Variants in PSMD14 observed in about 807,000 individuals in gnomAD.
PSMD14 encodes the protein proteasome 26S subunit, non-ATPase 14.
In PSMD14, 7 loss-of-function variants were observed where a neutral mutation model predicts 41.2. That is an observed-to-expected ratio of 0.17 (90% CI 0.10 to 0.32). The LOEUF (loss-of-function observed/expected upper bound fraction) is 0.32. PSMD14 is among the 10% of genes least tolerant of loss of function. PSMD14 has a pLI of 1.00. For missense variants in PSMD14, 139 were observed against 375.6 expected (o/e 0.37, Z 5.21); for synonymous variants, 114 against 122.3 (o/e 0.93, Z 0.45).
chr2:161,337,044 AAATT>A (rs1260495517), intron 3 of PSMD14, among the ~76,000 whole-genome samples: 1 of 152,224 alleles, frequency 6.6e-6, no homozygotes, highest in African/African-American at 2.4e-5. Flanking sequence ...ATTTAAAGAA[AAATT>A]AATCTTTTAA....
At chr2:161,391,714 C>T (rs1683714319) in intron 9 of PSMD14, among the ~76,000 whole-genome samples, 1 of 152,068 alleles carries the variant, frequency 6.6e-6, no homozygotes. Context: ...TCTACAGCCT[C>T]CCGAGTAGCT....
At chr2:161,364,122 C>T (rs562485940) in intron 3 of PSMD14, among the ~76,000 whole-genome samples, 26 of 152,244 alleles carry the variant, frequency 1.7e-4, no homozygotes, top group East Asian at 9.7e-4. Flanking sequence ...GGAGTCAGGA[C>T]GCTGTCCTCC....
intron 3 of PSMD14, among the ~76,000 whole-genome samples, chr2:161,342,048 A>G (rs1682971629): frequency 6.6e-6 from 1 of 151,982 alleles, no homozygotes; most frequent in African/African-American, 2.4e-5. Context: ...GGTGCAATAT[A>G]TGGGTTATGC....
intron 2 of PSMD14, 91 bp from the exon 3 acceptor site, chr2:161,318,731 A>G (rs1323616779): frequency 1.6e-5 from 15 of 937,178 alleles, no homozygotes; most frequent in Non-Finnish European, 2.0e-5. Flanking sequence ...TATTTTTGAC[A>G]TACTGAGTGA....
chr2:161,349,138 T>C (rs968826396), intron 3 of PSMD14, among the ~76,000 whole-genome samples: 1 of 152,226 alleles, frequency 6.6e-6, no homozygotes, highest in South Asian at 2.1e-4. Flanking sequence ...ATTTTGCTAT[T>C]GAAAGTAATG....
intron 7 of PSMD14, among the ~76,000 whole-genome samples, chr2:161,376,205 A>G (rs1683500773): frequency 6.6e-6 from 1 of 151,146 alleles, no homozygotes; most frequent in Admixed American, 6.6e-5. Context: ...TCCCATTTTT[A>G]TCTCCTCTTT....
chr2:161,337,907 C>G (rs1009420424), intron 3 of PSMD14, among the ~76,000 whole-genome samples: 3 of 152,086 alleles, frequency 2.0e-5, no homozygotes, highest in African/African-American at 7.2e-5. Context: ...TATGATTATA[C>G]TCTCTGACTA....
At chr2:161,402,397 G>C (rs185900544) in intron 10 of PSMD14, among the ~76,000 whole-genome samples, 1 of 152,216 alleles carries the variant, frequency 6.6e-6, no homozygotes, top group Admixed American at 6.5e-5. Flanking sequence ...CAGCACTTTG[G>C]GAGGCCACAG....
chr2:161,375,236 T>C (rs1683487381), intron 7 of PSMD14, among the ~76,000 whole-genome samples: 1 of 152,024 alleles, frequency 6.6e-6, no homozygotes, highest in Non-Finnish European at 1.5e-5. Context: ...TTATATACAT[T>C]TAGTGTTAGT....
chr2:161,390,707 G>T (rs930485146), intron 8 of PSMD14, among the ~76,000 whole-genome samples: 12 of 152,144 alleles, frequency 7.9e-5, no homozygotes, highest in African/African-American at 2.9e-4. Flanking sequence ...TGTGGGTAAA[G>T]AAACAGCTGT....
At chr2:161,378,051 A>G (rs1263297115) in intron 7 of PSMD14, among the ~76,000 whole-genome samples, 1 of 151,870 alleles carries the variant, frequency 6.6e-6, no homozygotes, top group African/African-American at 2.4e-5. Flanking sequence ...GACATTAGCC[A>G]TTGTTATTTG....
At chr2:161,328,890 CTAAATAACAT>C (rs542481925) in intron 3 of PSMD14, among the ~76,000 whole-genome samples, 58 of 152,128 alleles carry the variant, frequency 3.8e-4, no homozygotes, top group South Asian at 1.9e-3. Flanking sequence ...TGGAATAACA[CTAAATAACAT>C]TAAATAACAT....
chr2:161,315,819 A>G (rs1487207533), intron 1 of PSMD14, among the ~76,000 whole-genome samples: 4 of 150,486 alleles, frequency 2.7e-5, no homozygotes, highest in African/African-American at 9.8e-5. Flanking sequence ...ATTTAAAAAT[A>G]TAAGTAAATT....
At chr2:161,346,273 CTAGAGA>C (rs1683040799) in intron 3 of PSMD14, among the ~76,000 whole-genome samples, 1 of 152,080 alleles carries the variant, frequency 6.6e-6, no homozygotes, top group African/African-American at 2.4e-5. Flanking sequence ...TATTGACAGC[CTAGAGA>C]TAAAGTTTTG....
intron 3 of PSMD14, among the ~76,000 whole-genome samples, chr2:161,330,129 G>A (rs1657617073): frequency 6.6e-6 from 1 of 152,076 alleles, no homozygotes; most frequent in Admixed American, 6.6e-5. Flanking sequence ...GAATGGAAGG[G>A]GATTGGTGAT....
chr2:161,389,886 G>GTTTTTTTTTTTTTTTTTT (rs1683685363), intron 8 of PSMD14, among the ~76,000 whole-genome samples: 2 of 14,934 alleles, frequency 1.3e-4, no homozygotes, highest in Non-Finnish European at 3.1e-4. Flanking sequence ...TTTCTTTTTT[G>GTTTTTTTTTTTTTTTTTT]TTGTTTTTTT....
At chr2:161,329,189 C>A (rs116333687) in intron 3 of PSMD14, among the ~76,000 whole-genome samples, 1 of 152,110 alleles carries the variant, frequency 6.6e-6, no homozygotes, top group African/African-American at 2.4e-5. Context: ...AACTTGGACA[C>A]TCTGAAGATG....
At chr2:161,330,706 C>T (rs894589253) in intron 3 of PSMD14, among the ~76,000 whole-genome samples, 12 of 152,184 alleles carry the variant, frequency 7.9e-5, no homozygotes, top group African/African-American at 2.9e-4. Context: ...CTCCACTGGG[C>T]AGCCTCTCAG....
rs868483072 is a variant in PSMD14, at chr2:161,328,088, A to C, written c.48+9215A>C. Among the ~76,000 whole-genome samples, 6 of 151,992 alleles carry C rather than the reference A, an allele frequency of 3.9e-5. No homozygotes were observed. The South Asian group carries it at 1.2e-3, about 32-fold the overall frequency. On this transcript the variant is annotated intron_variant, in intron 3 of 11. Transcript: ENST00000409682. Reference sequence around the variant, plus strand: ...ACACACCATATGTGGTAAATGGTTAAAGTCACTTCGGAGAGCAATTTGACA... The same window carrying C: ...ACACACCATATGTGGTAAATGGTTACAGTCACTTCGGAGAGCAATTTGACA...
Sources: allele counts gnomAD v4.1 joint callset (sites outside exome capture counted in the v4.1 genomes callset), GRCh38; gene constraint gnomAD v4.1.1; transcripts MANE v1.5; gene names NCBI Gene and HGNC (gene_info 2026-07-23, HGNC 2026-07-21).